PDE6A: variants seen among roughly 807,000 people sequenced by gnomAD.
The protein encoded by PDE6A is rod cGMP-specific 3',5'-cyclic phosphodiesterase subunit alpha.
Under a neutral mutation model 106.3 loss-of-function variants are expected in PDE6A, and 84 were observed. The observed-to-expected ratio is 0.79, with a 90% CI of 0.66 to 0.95. The LOEUF is 0.95. PDE6A is among the 40% of genes least tolerant of loss of function. The pLI is 0.00. For missense variants in PDE6A, 1,052 were observed against 1,084.9 expected, an observed-to-expected ratio of 0.97 and a Z score of 0.43; for synonymous variants, 394 against 386.6, an observed-to-expected ratio of 1.02 and a Z score of -0.23.
chr5:149,908,626 T>C (rs1753276329), intron 6 of PDE6A, among the ~76,000 whole-genome samples: 1 of 152,248 alleles, frequency 6.6e-6, no homozygotes, highest in Non-Finnish European at 1.5e-5. Flanking sequence ...GAAGTTCCTC[T>C]GTTCATGTCT....
At chr5:149,921,246 C>T (rs1484748669) in intron 5 of PDE6A, among the ~76,000 whole-genome samples, 1 of 151,756 alleles carries the variant, frequency 6.6e-6, no homozygotes, top group African/African-American at 2.4e-5. Context: ...ACTGTGAAAC[C>T]CCAATAAGAT....
chr5:149,889,522 G>A (rs566058530), intron 13 of PDE6A, among the ~76,000 whole-genome samples: 23 of 151,912 alleles, frequency 1.5e-4, no homozygotes, highest in Admixed American at 5.9e-4. Context: ...AACTCACTGC[G>A]GTTTGGACCT....
Position 149,867,721 on chromosome 5 carries a change from TCA to T in PDE6A, c.2274+2_2274+3del. On this transcript the variant is annotated splice_donor_variant and splice_donor_region_variant and intron_variant, in intron 19 of 21. Transcript: ENST00000255266. LOFTEE classifies it high-confidence loss of function. ...CATCAGGCTGACATCCCCTGTCTAC[TCA>T]CAATGGGATTCTGTTGCAGCACCGT... The T allele has an allele frequency of 6.2e-7, 1 of 1,613,744 alleles. No homozygotes were observed. Among genetic ancestry groups the T allele is most frequent in the Non-Finnish European group, 8.5e-7 (1 of 1,179,780 alleles).
chr5:149,861,630 A>G (rs1760146829), intron 21 of PDE6A, among the ~76,000 whole-genome samples: 1 of 152,216 alleles, frequency 6.6e-6, no homozygotes, highest in East Asian at 1.9e-4. Context: ...AGCCTGGGCA[A>G]CAAAGCAAGA....
chr5:149,930,223 G>T (rs1303744198), intron 4 of PDE6A, among the ~76,000 whole-genome samples: 1 of 152,208 alleles, frequency 6.6e-6, no homozygotes, highest in Non-Finnish European at 1.5e-5. Flanking sequence ...AAGTTTGGGA[G>T]CCTCTGGACT....
intron 8 of PDE6A, among the ~76,000 whole-genome samples, chr5:149,903,411 A>G (rs999571365): frequency 2.0e-5 from 3 of 150,942 alleles, no homozygotes; most frequent in Non-Finnish European, 4.4e-5. Context: ...TTGTGGGGGG[A>G]AAAATAGATC....
chr5:149,892,493 C>CTT (rs56059807), intron 13 of PDE6A, among the ~76,000 whole-genome samples: 49 of 135,486 alleles, frequency 3.6e-4, no homozygotes, highest in African/African-American at 1.1e-3. Context: ...CTTTTCTTTC[C>CTT]TTTTTTTTTT....
intron 8 of PDE6A, among the ~76,000 whole-genome samples, chr5:149,900,915 A>G (rs245074): frequency 0.42 from 64,140 of 151,774 alleles, 15,651 homozygotes; most frequent in Non-Finnish European, 0.57. Context: ...GATTCAACCT[A>G]TGTTTTTTGT....
chr5:149,883,983 A>G (rs1016799898), intron 16 of PDE6A, among the ~76,000 whole-genome samples: 7 of 152,092 alleles, frequency 4.6e-5, no homozygotes, highest in African/African-American at 1.7e-4. Flanking sequence ...GCTTGAGACC[A>G]GGAGTTTTAG....
chr5:149,895,046 C>T (rs970896257), intron 13 of PDE6A, 137 bp downstream of exon 13: 11 of 690,696 alleles, frequency 1.6e-5, no homozygotes, highest in African/African-American at 3.5e-5. Flanking sequence ...ACACTAAGCC[C>T]GTACTGCTTT....
chr5:149,876,948 T>TGATA (rs931484347), intron 17 of PDE6A, among the ~76,000 whole-genome samples: 82 of 150,654 alleles, frequency 5.4e-4, no homozygotes, highest in Admixed American at 2.0e-3. Context: ...GATAGATAGA[T>TGATA]GATAGATAGA....
chr5:149,944,358 C>T lies in PDE6A; in HGVS notation c.316G>A (p.Ala106Thr), dbSNP rs200696413. ...LFMYRTRNGI[A>T]ELATRLFNVH... Reference sequence around the variant, plus strand: ...TTGAAAAGCCTGGTGGCCAGCTCTGCGATGCCATTGCGGGTCCGGTACATG... The same window carrying T: ...TTGAAAAGCCTGGTGGCCAGCTCTGTGATGCCATTGCGGGTCCGGTACATG... The change falls in exon 1 of 22, where the codon GCA (alanine) becomes ACA (threonine). Residue 106 changes from alanine (A) to threonine (T), a missense_variant. This residue lies in a region of PDE6A where 913 missense variants were observed against 915.2 expected (regional missense o/e 1.00). Transcript: ENST00000255266. 1.6e-4 allele frequency: 261 copies of T among 1,614,118 alleles called. 2 individuals are homozygous for T. In the East Asian group the frequency reaches 1.8e-3, roughly 11 times the overall value.
chr5:149,918,298 A>C (rs1310851360), intron 5 of PDE6A, among the ~76,000 whole-genome samples: 1 of 152,242 alleles, frequency 6.6e-6, no homozygotes, highest in Admixed American at 6.5e-5. Flanking sequence ...TTCCAGAGCA[A>C]GATTGCTGTG....
intron 18 of PDE6A, 119 bp from the exon 19 acceptor site, chr5:149,867,918 C>T (rs1340383706): frequency 1.8e-6 from 2 of 1,142,388 alleles, no homozygotes; most frequent in African/African-American, 3.0e-5. Context: ...CCCTGCCCTG[C>T]CACCCTCACT....
chr5:149,884,572 T>C lies in PDE6A; in HGVS notation c.1934A>G (p.Asn645Ser), dbSNP rs1428737375. Residue 645 changes from asparagine (N) to serine (S), a missense_variant, in exon 16 of 22, where the codon AAT (asparagine) becomes AGT (serine). Physicochemically the swap from Asn to Ser is conservative, Grantham distance 46 (BLOSUM62 1). Around this residue, in one of 3 missense-constraint regions of PDE6A, gnomAD observed 913 missense variants for 915.2 expected, o/e 1.00. Coordinates refer to ENST00000255266, the MANE Select transcript of PDE6A (RefSeq NM_000440.3). ...TCGACGATTGAGGTTTTGAAAGATA[T>C]TCAGGCTCTAAAGAAAAAAAGAGAA... ...GKTLLRDESL[N>S]IFQNLNRRQH... is the part of the protein sequence containing the mutation. 1.2e-6 allele frequency: 2 copies of C among 1,613,010 alleles called. No homozygotes were observed. The highest frequency in any genetic ancestry group is 2.2e-5 in the East Asian group (1 of 44,866).
chr5:149,868,308 T>A (rs1760410191), intron 17 of PDE6A, 150 bp from the exon 18 acceptor site: 3 of 766,906 alleles, frequency 3.9e-6, no homozygotes, highest in Non-Finnish European at 6.7e-6. Flanking sequence ...CATCCAGGGG[T>A]TGGGCTTTGA....
In PDE6A at chr5:149,883,528, G is replaced by C. The variant is rs147017310; in HGVS notation, c.2036C>G (p.Thr679Arg). 3.5e-5 allele frequency: 56 copies of C among 1,608,724 alleles called. No homozygotes were observed. In the South Asian group the frequency reaches 5.8e-4, roughly 17 times the overall value. ...CTGATCCACGATCTTTTGGAACATC[G>C]TCCTCTTCCTACAAAACATATCAGT... ...TDLALYFKKRTMFQKIVDQSK... is the reference protein window; with the variant it reads ...TDLALYFKKRRMFQKIVDQSK... The change falls in exon 17 of 22, where the codon ACG becomes AGG. Residue 679 changes from threonine to arginine, a missense_variant. Coordinates refer to ENST00000255266, the MANE Select transcript of PDE6A (RefSeq NM_000440.3).
At chr5:149,865,803 A>C (rs1354790840) in intron 20 of PDE6A, among the ~76,000 whole-genome samples, 3 of 152,282 alleles carry the variant, frequency 2.0e-5, no homozygotes, top group Non-Finnish European at 2.9e-5. Context: ...ACTTTGAATA[A>C]GAGCTCAAAG....
rs1199085588 is a variant in PDE6A, at chr5:149,932,116, G to T, written c.718-948C>A. 9 of 1,267,888 alleles carry T rather than the reference G, an allele frequency of 7.1e-6. No individual in the cohort carries two copies. The Admixed American group carries it at 8.4e-5, about 12-fold the overall frequency. The allele number at this position is 1,267,888 out of a possible 1,614,324, so 78.5% of individuals were successfully genotyped here. A position where few individuals can be genotyped will look rare whatever the true frequency, so the allele number is the denominator to read the frequency against. ...TCTTTGTTCTCCTCGTCCGGAAGTT[G>T]TAGACGTCTATTTAGTTTGATTATC... On this transcript the variant is annotated intron_variant, in intron 3 of 21. Transcript: ENST00000255266.
Sources: allele counts gnomAD v4.1 joint callset (sites outside exome capture counted in the v4.1 genomes callset), GRCh38; gene constraint gnomAD v4.1.1; regional missense constraint gnomAD v4.1.1; transcripts MANE v1.5; gene names NCBI Gene and HGNC (gene_info 2026-07-23, HGNC 2026-07-21).